Variants in UVRAG observed in about 807,000 individuals in gnomAD.
UVRAG encodes the protein UV radiation resistance associated.
A neutral mutation model predicts 78.0 loss-of-function variants in UVRAG; 19 were observed. The ratio of observed to expected loss-of-function variants is 0.24; its 90% CI spans 0.17 to 0.36. UVRAG has a LOEUF of 0.36. Ranked by LOEUF, UVRAG falls within the 10% of genes least tolerant of loss-of-function variation. The pLI is 1.00. For synonymous variants in UVRAG, 323 were observed against 324.6 expected (o/e 1.00, Z 0.05); for missense variants, 740 against 853.8 (o/e 0.87, Z 1.66).
At chr11:76,118,672 G>C (rs1029940556) in intron 14 of UVRAG, among the ~76,000 whole-genome samples, 9 of 151,986 alleles carry the variant, frequency 5.9e-5, no homozygotes. Context: ...TTTGCCCCCT[G>C]GTCATGTGTA....
intron 2 of UVRAG, among the ~76,000 whole-genome samples, chr11:75,856,888 C>T (rs1018298305): frequency 2.6e-5 from 4 of 152,118 alleles, no homozygotes; most frequent in Non-Finnish European, 4.4e-5. Flanking sequence ...TCTGATGTTC[C>T]AGCTGTGATC....
chr11:76,055,936 C>G (rs962713816), intron 12 of UVRAG, among the ~76,000 whole-genome samples: 3 of 152,146 alleles, frequency 2.0e-5, no homozygotes, highest in African/African-American at 7.2e-5. Flanking sequence ...GTCTCGATCT[C>G]CTGACCTTGT....
chr11:75,828,788 T>C (rs868802539), intron 1 of UVRAG, among the ~76,000 whole-genome samples: 1,962 of 89,720 alleles, frequency 0.022, 57 homozygotes, highest in African/African-American at 0.085. Flanking sequence ...CACATATATA[T>C]ATATATATAT....
intron 13 of UVRAG, among the ~76,000 whole-genome samples, chr11:76,115,552 G>A (rs767828746): frequency 1.3e-5 from 2 of 152,184 alleles, no homozygotes; most frequent in Non-Finnish European, 2.9e-5. Flanking sequence ...ATATGTCCCT[G>A]GAGTTGGTGT....
intron 8 of UVRAG, among the ~76,000 whole-genome samples, chr11:76,001,960 A>G (rs367729746): frequency 6.6e-6 from 1 of 152,214 alleles, no homozygotes; most frequent in African/African-American, 2.4e-5. Context: ...AGAAACCATT[A>G]ATCAAGCTCA....
intron 12 of UVRAG, among the ~76,000 whole-genome samples, chr11:76,022,471 G>T (rs1375046813): frequency 6.6e-6 from 1 of 151,976 alleles, no homozygotes; most frequent in Non-Finnish European, 1.5e-5. Flanking sequence ...GACCTCTGTT[G>T]TTTTGTGCAC....
chr11:75,828,796 TATATATATA>T (rs1565334040), intron 1 of UVRAG, among the ~76,000 whole-genome samples: 41 of 98,024 alleles, frequency 4.2e-4, no homozygotes, highest in African/African-American at 1.7e-3. Context: ...TATATATATA[TATATATATA>T]TTTTTTTTTT....
intron 7 of UVRAG, among the ~76,000 whole-genome samples, chr11:75,973,188 T>C (rs1172136044): frequency 6.6e-6 from 1 of 152,236 alleles, no homozygotes; most frequent in Non-Finnish European, 1.5e-5. Flanking sequence ...TGGTAGATGT[T>C]CTTTACCAGT....
At chr11:76,125,215 C>T (rs1260065035) in intron 14 of UVRAG, among the ~76,000 whole-genome samples, 1 of 152,188 alleles carries the variant, frequency 6.6e-6, no homozygotes, top group Non-Finnish European at 1.5e-5. Flanking sequence ...ATCAGATAGG[C>T]TCGCCTTTGA....
intron 13 of UVRAG, among the ~76,000 whole-genome samples, chr11:76,075,091 G>A (rs1423084025): frequency 1.3e-5 from 2 of 152,084 alleles, no homozygotes; most frequent in Non-Finnish European, 2.9e-5. Context: ...TTAACATACA[G>A]CCAAATGTAT....
intron 6 of UVRAG, among the ~76,000 whole-genome samples, chr11:75,928,859 G>C (rs991156859): frequency 2.8e-5 from 4 of 143,740 alleles, no homozygotes; most frequent in Non-Finnish European, 4.5e-5. Context: ...GGAGAATGAC[G>C]TGAACCCGGG....
intron 8 of UVRAG, among the ~76,000 whole-genome samples, chr11:75,991,942 A>G (rs936862756): frequency 1.3e-5 from 2 of 152,152 alleles, no homozygotes; most frequent in African/African-American, 4.8e-5. Context: ...GCCGGTATTA[A>G]TTGCTCTTAT....
intron 1 of UVRAG, among the ~76,000 whole-genome samples, chr11:75,816,241 T>C (rs1026165361): frequency 6.6e-6 from 1 of 152,226 alleles, no homozygotes; most frequent in Non-Finnish European, 1.5e-5. Context: ...TGAGGACTTC[T>C]TGGCTCTGCG....
At chr11:75,902,362 T>C (rs1947522908) in intron 5 of UVRAG, among the ~76,000 whole-genome samples, 1 of 152,174 alleles carries the variant, frequency 6.6e-6, no homozygotes, top group Non-Finnish European at 1.5e-5. Context: ...CCTAGATCCC[T>C]TGCATGTATA....
intron 12 of UVRAG, among the ~76,000 whole-genome samples, chr11:76,020,046 A>G (rs1292784193): frequency 6.6e-6 from 1 of 152,176 alleles, no homozygotes; most frequent in African/African-American, 2.4e-5. Context: ...TTAAACTCTA[A>G]GACAAAGTCC....
intron 1 of UVRAG, among the ~76,000 whole-genome samples, chr11:75,834,401 C>T (rs1945733477): frequency 6.6e-6 from 1 of 152,152 alleles, no homozygotes; most frequent in Admixed American, 6.5e-5. Flanking sequence ...ATTTGTCCCT[C>T]ATTGGTAATG....
chr11:75,872,243 C>A (rs1013492807), intron 3 of UVRAG, among the ~76,000 whole-genome samples: 7 of 152,048 alleles, frequency 4.6e-5, no homozygotes, highest in African/African-American at 1.7e-4. Flanking sequence ...AACCTTTTCT[C>A]AACAAGTCAA....
chr11:76,006,232 A>T (rs889217146), intron 9 of UVRAG, among the ~76,000 whole-genome samples: 1 of 152,294 alleles, frequency 6.6e-6, no homozygotes, highest in African/African-American at 2.4e-5. Context: ...GGCAAAGACC[A>T]TATATATGTC....
At chr11:76,056,212 G>C (rs1480181770) in intron 12 of UVRAG, among the ~76,000 whole-genome samples, 1 of 152,124 alleles carries the variant, frequency 6.6e-6, no homozygotes, top group Non-Finnish European at 1.5e-5. Flanking sequence ...TTTACATAAG[G>C]CTTCTTTCAC....
Sources: allele counts gnomAD v4.1 joint callset (sites outside exome capture counted in the v4.1 genomes callset), GRCh38; gene constraint gnomAD v4.1.1; transcripts MANE v1.5; gene names NCBI Gene and HGNC (gene_info 2026-07-23, HGNC 2026-07-21).